ARMH4: variants seen among roughly 807,000 people sequenced by gnomAD.
ARMH4 encodes armadillo like helical domain containing 4, also known as armadillo-like helical domain-containing protein 4.
A neutral mutation model predicts 61.9 loss-of-function variants in ARMH4; 49 were observed. That is an observed-to-expected ratio of 0.79 (90% CI 0.63 to 1.00). The LOEUF (loss-of-function observed/expected upper bound fraction) is 1.00, where lower values mean the gene tolerates loss of function less well. ARMH4 is among the 50% of genes least tolerant of loss of function. The pLI, the probability that ARMH4 is intolerant of heterozygous loss-of-function variation, is 0.00. For missense variants in ARMH4, 934 were observed against 930.0 expected, an observed-to-expected ratio of 1.00 and a Z score of -0.06; for synonymous variants, 368 against 341.5, an observed-to-expected ratio of 1.08 and a Z score of -0.85.
chr14:58,004,624 A>G lies in ARMH4; in HGVS notation c.*112T>C. On this transcript the variant is annotated 3_prime_UTR_variant, in exon 8 of 8. Coordinates refer to ENST00000267485, the MANE Select transcript of ARMH4 (RefSeq NM_001001872.4). ...TACCCAGCACCCAGCAGACACTAGGACTAACGGCCTGATAGCAGCAATGTG... is the reference window on the plus strand; with the variant it reads ...TACCCAGCACCCAGCAGACACTAGGGCTAACGGCCTGATAGCAGCAATGTG... 2.3e-6 allele frequency: 2 copies of G among 879,942 alleles called. No homozygotes were observed. The highest frequency in any genetic ancestry group is 1.7e-5 in the African/African-American group (1 of 59,380). The allele number at this position is 879,942 out of a possible 1,614,324, so 54.5% of individuals were successfully genotyped here.
Position 58,032,700 on chromosome 14 carries a change from G to A in ARMH4, c.2090-20550C>T, listed in dbSNP as rs889748353. On this transcript the variant is annotated intron_variant, in intron 5 of 7. Transcript: ENST00000267485. ...GCGCAGGCCAGTGTGTGCGCGCACCGTGCGCGAGCCGAAGCAGGGTGAGGC... is the reference window on the plus strand; with the variant it reads ...GCGCAGGCCAGTGTGTGCGCGCACCATGCGCGAGCCGAAGCAGGGTGAGGC... Among the ~76,000 whole-genome samples the A allele has an allele frequency of 4.1e-3, 604 of 148,636 alleles. 1 individual carries two copies. The highest frequency in any genetic ancestry group is 0.014 in the African/African-American group (558 of 41,288).
At chr14:58,126,124 C>G (rs1467508890) in intron 4 of ARMH4, among the ~76,000 whole-genome samples, 1 of 152,206 alleles carries the variant, frequency 6.6e-6, no homozygotes, top group Non-Finnish European at 1.5e-5. Flanking sequence ...TGTCTTCCCT[C>G]TATTAAATCT....
chr14:58,089,904 C>T (rs1280753552), intron 5 of ARMH4, among the ~76,000 whole-genome samples: 1 of 152,188 alleles, frequency 6.6e-6, no homozygotes, highest in Admixed American at 6.5e-5. Flanking sequence ...ACACTCTGCC[C>T]CATGACTATG....
intron 4 of ARMH4, among the ~76,000 whole-genome samples, chr14:58,121,484 T>C (rs1431682916): frequency 6.6e-6 from 1 of 152,252 alleles, no homozygotes; most frequent in Non-Finnish European, 1.5e-5. Context: ...AAATGTCAGT[T>C]ATCTTTCTTC....
chr14:58,040,453 T>C (rs945450515), intron 5 of ARMH4, among the ~76,000 whole-genome samples: 3 of 152,238 alleles, frequency 2.0e-5, no homozygotes, highest in Admixed American at 6.5e-5. Flanking sequence ...CTTAGGATAA[T>C]GGCCTGCAAC....
rs534054519 is a variant in ARMH4 at position 58,152,175 on chromosome 14, G to A, written c.-157C>T. On this transcript the variant is annotated 5_prime_UTR_variant, in exon 1 of 8. Coordinates refer to ENST00000267485, the MANE Select transcript of ARMH4 (RefSeq NM_001001872.4). ...GCCCTGCGGCGGCGGCGGCGGTAGC[G>A]GCGGCGACTCCCTCCGCTGTCTGGG... 452 of 160,270 alleles carry A rather than the reference G, an allele frequency of 2.8e-3. 3 individuals carry two copies. The highest frequency in any genetic ancestry group is 0.01 in the African/African-American group (423 of 41,654). The allele number at this position is 160,270 out of a possible 1,614,324, so 9.9% of individuals were successfully genotyped here.
rs576270870 is a variant in ARMH4, at chr14:58,096,702, G to C, written c.2089+22C>G. 101 of 1,604,434 alleles carry C rather than the reference G, an allele frequency of 6.3e-5. 2 individuals are homozygous for C. In the South Asian group the frequency reaches 1.1e-3, roughly 17 times the overall value. ...AAAAGGAGGGGAGAAGGGAGGAAAA[G>C]GGAAATACACATGACTCTTACCCAG... On this transcript the variant is annotated intron_variant, in intron 5 of 7. Transcript: ENST00000267485.
At chr14:58,018,900 G>T (rs1882712111) in intron 5 of ARMH4, among the ~76,000 whole-genome samples, 1 of 106,958 alleles carries the variant, frequency 9.3e-6, no homozygotes, top group African/African-American at 3.3e-5. Flanking sequence ...AAGAAAATGT[G>T]GTTACTGTAT....
chr14:58,005,224 C>G, intron 6 of ARMH4, 42 bp from the exon 7 acceptor site: 1 of 1,612,192 alleles, frequency 6.2e-7, no homozygotes, highest in South Asian at 1.1e-5. Flanking sequence ...CTAAACAGAG[C>G]GCGCCGCCCT....
At chr14:58,082,469 T>A (rs1046355384) in intron 5 of ARMH4, among the ~76,000 whole-genome samples, 1 of 152,300 alleles carries the variant, frequency 6.6e-6, no homozygotes, top group African/African-American at 2.4e-5. Flanking sequence ...GCTAAGGAAA[T>A]TGAAGCTCAG....
rs529930514 is a variant in ARMH4 at position 58,118,909 on chromosome 14, C to A, written c.1831+12603G>T. Among the ~76,000 whole-genome samples the A allele has an allele frequency of 2.2e-4, 34 of 152,276 alleles. No individual in the cohort carries two copies. In the South Asian group the frequency reaches 6.6e-3, roughly 30 times the overall value. On this transcript the variant is annotated intron_variant, in intron 4 of 7. Transcript: ENST00000267485. Reference sequence around the variant, plus strand: ...TTCCTCAGAGAGCATGTGAAGCAGACACCTTAAAAAAAATCCAGAGGGAGC... The same window carrying A: ...TTCCTCAGAGAGCATGTGAAGCAGAAACCTTAAAAAAAATCCAGAGGGAGC...
At chr14:58,060,953 C>T (rs1884510196) in intron 5 of ARMH4, among the ~76,000 whole-genome samples, 1 of 152,164 alleles carries the variant, frequency 6.6e-6, no homozygotes, top group Admixed American at 6.5e-5. Flanking sequence ...TCAGCTGGAA[C>T]CACTGATGCA....
chr14:58,019,979 A>C (rs1412918795), intron 5 of ARMH4, among the ~76,000 whole-genome samples: 2 of 152,166 alleles, frequency 1.3e-5, no homozygotes, highest in African/African-American at 4.8e-5. Context: ...ATATATGCAT[A>C]AATTCCCTTT....
Position 58,004,492 on chromosome 14 carries a change from A to T in ARMH4, c.*244T>A, listed in dbSNP as rs1882085646. On this transcript the variant is annotated 3_prime_UTR_variant, in exon 8 of 8. Coordinates refer to ENST00000267485, the MANE Select transcript of ARMH4 (RefSeq NM_001001872.4). ...AAAACATATATGTTGCATATTTATGAGTTGTAGCCCACGGTTGTGGAAAAT... is the reference window on the plus strand; with the variant it reads ...AAAACATATATGTTGCATATTTATGTGTTGTAGCCCACGGTTGTGGAAAAT... 2.8e-6 allele frequency: 1 copy of T among 352,828 alleles called. No individual in the cohort carries two copies. The allele number at this position is 352,828 out of a possible 1,614,324, so 21.9% of individuals were successfully genotyped here.
At chr14:58,095,244 G>A (rs1455227818) in intron 5 of ARMH4, among the ~76,000 whole-genome samples, 2 of 152,102 alleles carry the variant, frequency 1.3e-5, no homozygotes, top group Non-Finnish European at 2.9e-5. Flanking sequence ...TAGAGCATCC[G>A]AATATCATCC....
chr14:58,009,530 G>A (rs1882306796), intron 6 of ARMH4, among the ~76,000 whole-genome samples: 1 of 152,082 alleles, frequency 6.6e-6, no homozygotes, highest in African/African-American at 2.4e-5. Flanking sequence ...GACAATAGGG[G>A]CCGGGCACAG....
chr14:58,141,352 A>C (rs1003332539), intron 1 of ARMH4: 9 of 500,378 alleles, frequency 1.8e-5, no homozygotes, highest in African/African-American at 1.8e-4. Context: ...CACCATTTAG[A>C]ATGTCAAAAC....
chr14:58,045,243 A>C (rs541985868), intron 5 of ARMH4, among the ~76,000 whole-genome samples: 67 of 152,342 alleles, frequency 4.4e-4, no homozygotes, highest in African/African-American at 1.6e-3. Context: ...CTGGATTAAG[A>C]CAATGTGGCA....
At chr14:58,029,748 T>C (rs1002290563) in intron 5 of ARMH4, among the ~76,000 whole-genome samples, 38 of 152,214 alleles carry the variant, frequency 2.5e-4, no homozygotes, top group African/African-American at 9.2e-4. Context: ...TCTCATACGT[T>C]GCTGGTGGGA....
Sources: gnomAD v4.1 joint callset for allele counts (sites outside exome capture counted in the v4.1 genomes callset) on GRCh38, gnomAD v4.1.1 for gene constraint, MANE v1.5 for transcripts, NCBI Gene and HGNC (gene_info 2026-07-23, HGNC 2026-07-21) for gene names.